Variants in TOX3 observed in about 807,000 individuals in gnomAD.
TOX3 encodes CAG trinucleotide repeat-containing gene F9 protein.
A neutral mutation model predicts 64.3 loss-of-function variants in TOX3; 22 were observed. The observed-to-expected ratio is 0.34, with a 90% CI of 0.24 to 0.49. TOX3 has a LOEUF of 0.49. Ranked by LOEUF, TOX3 falls within the 20% of genes least tolerant of loss-of-function variation. TOX3 has a pLI of 0.99. For synonymous variants in TOX3, 291 were observed against 273.6 expected (o/e 1.06, Z -0.63); for missense variants, 661 against 714.4 (o/e 0.93, Z 0.85).
At chr16:52,453,047 A>C (rs553492037) in intron 3 of TOX3, among the ~76,000 whole-genome samples, 1 of 152,190 alleles carries the variant, frequency 6.6e-6, no homozygotes, top group South Asian at 2.1e-4. Flanking sequence ...CTCCTAGAAA[A>C]TCTGAGCTAT....
In TOX3 at chr16:52,546,982, CGCGCGGGCCGGGCGCCGGGG is replaced by C. The variant is rs1427310109; in HGVS notation, c.-279_-260del. The C allele has an allele frequency of 2.0e-6, 2 of 975,760 alleles. No individual in the cohort carries two copies. Among genetic ancestry groups the C allele is most frequent in the Non-Finnish European group, 2.4e-6 (2 of 825,586 alleles). The allele number at this position is 975,760 out of a possible 1,614,324, so 60.4% of individuals were successfully genotyped here. On this transcript the variant is annotated 5_prime_UTR_variant, in exon 1 of 7. Transcript: ENST00000219746. ...CCGCCGGGGCACCGAGGCAGCGCTG[CGCGCGGGCCGGGCGCCGGGG>C]GCGCGGGGCGCGGCGCTGGGGCCCG...
upstream of TOX3, chr16:52,547,378 T>G (rs1393698659): frequency 4.5e-5 from 4 of 89,462 alleles, no homozygotes; most frequent in South Asian, 7.2e-4. Context: ...CTCGCCCCCC[T>G]TCCCGCTCCG....
At chr16:52,503,071 G>A (rs547102734) in intron 1 of TOX3, among the ~76,000 whole-genome samples, 8 of 152,104 alleles carry the variant, frequency 5.3e-5, no homozygotes, top group Non-Finnish European at 1.0e-4. Flanking sequence ...ACAGGCAACT[G>A]GCCCATGGGT....
At chr16:52,529,030 A>G (rs966529864) in intron 1 of TOX3, among the ~76,000 whole-genome samples, 5 of 152,220 alleles carry the variant, frequency 3.3e-5, no homozygotes, top group African/African-American at 9.6e-5. Flanking sequence ...CACCAGTCCA[A>G]TGGATCCCCA....
rs377611579 is a variant in TOX3 at position 52,546,648 on chromosome 16, C to G, written c.76G>C (p.Gly26Arg). 1.9e-6 allele frequency: 3 copies of G among 1,541,202 alleles called. No individual in the cohort carries two copies. Among genetic ancestry groups the G allele is most frequent in the South Asian group, 2.4e-5 (2 of 83,818 alleles). Residue 26 changes from glycine (G) to arginine (R), a missense_variant, in exon 1 of 7, where the codon GGC becomes CGC. Transcript: ENST00000219746. ...CCCAGCCCGGTCACCTTGCTGTAGC[C>G]GTAGTACCCCAGGCACTGCGCGAAG... is the stretch of plus-strand genomic sequence containing the variant. ...LDFAQCLGYYGYSKFGNNNNY... is the reference protein window; with the variant it reads ...LDFAQCLGYYRYSKFGNNNNY...
chr16:52,439,330 G>A lies in TOX3; in HGVS notation c.1626C>T (p.Ser542=). Reference sequence around the variant, plus strand: ...GGGGGCTCCCGATGGCAGGGATGGGGGATGTTATCTGAGAGGCGACAGGGG... The same window carrying A: ...GGGGGCTCCCGATGGCAGGGATGGGAGATGTTATCTGAGAGGCGACAGGGG... ...QHSPVASQIT[S]PIPAIGSPQP... Residue 542 remains serine (S), a synonymous_variant, in exon 7 of 7, where the codon TCC becomes TCT. Transcript: ENST00000219746. The A allele has an allele frequency of 6.2e-7, 1 of 1,613,474 alleles. No individual in the cohort carries two copies. Among genetic ancestry groups the A allele is most frequent in the African/African-American group, 1.3e-5 (1 of 75,030 alleles).
intron 1 of TOX3, among the ~76,000 whole-genome samples, chr16:52,532,271 C>T (rs1431045558): frequency 6.6e-6 from 1 of 152,196 alleles, no homozygotes; most frequent in African/African-American, 2.4e-5. Context: ...CGTCCTCTCC[C>T]CTAGAACCTG....
chr16:52,504,938 G>T (rs113550734), intron 1 of TOX3, among the ~76,000 whole-genome samples: 6,741 of 152,118 alleles, frequency 0.044, 353 homozygotes, highest in East Asian at 0.16. Context: ...GGGTTCAAGC[G>T]ATTCTCCTGC....
rs1432206504 is a variant in TOX3, at chr16:52,446,117, T to C, written c.783A>G (p.Ala261=). 4.3e-6 allele frequency: 7 copies of C among 1,614,030 alleles called. No homozygotes were observed. Among genetic ancestry groups the C allele is most frequent in the Non-Finnish European group, 5.9e-6 (7 of 1,179,862 alleles). Residue 261 remains alanine, a synonymous_variant, in exon 5 of 7, where the codon GCA becomes GCG. Transcript: ENST00000219746. Reference sequence around the variant, plus strand: ...GTGTGTCTCTGAAAAACAGGGCATATGCTGACACTGGCTTCTGTGGCTCAT... The same window carrying C: ...GTGTGTCTCTGAAAAACAGGGCATACGCTGACACTGGCTTCTGTGGCTCAT... ...DPNEPQKPVS[A]YALFFRDTQA...
At chr16:52,507,111 T>C (rs923644261) in intron 1 of TOX3, among the ~76,000 whole-genome samples, 1 of 152,132 alleles carries the variant, frequency 6.6e-6, no homozygotes, top group African/African-American at 2.4e-5. Flanking sequence ...AAGACCTACA[T>C]CTTAGAAGTT....
chr16:52,508,082 T>G (rs1360248529), intron 1 of TOX3, among the ~76,000 whole-genome samples: 1 of 152,222 alleles, frequency 6.6e-6, no homozygotes, highest in East Asian at 1.9e-4. Flanking sequence ...TACGCTATCA[T>G]AGCAGGACAC....
At chr16:52,474,904 C>G (rs1481895430) in intron 1 of TOX3, among the ~76,000 whole-genome samples, 1 of 152,290 alleles carries the variant, frequency 6.6e-6, no homozygotes, top group South Asian at 2.1e-4. Context: ...CCCTTTCTCA[C>G]ACTCCTCTAG....
chr16:52,475,381 G>A (rs975133669), intron 1 of TOX3: 16 of 152,266 alleles, frequency 1.1e-4, no homozygotes, highest in African/African-American at 3.9e-4. Flanking sequence ...AAAATAAGAT[G>A]TCCAGCAGCC....
chr16:52,502,919 G>A (rs1056904776), intron 1 of TOX3, among the ~76,000 whole-genome samples: 9 of 152,030 alleles, frequency 5.9e-5, no homozygotes, highest in Middle Eastern at 3.2e-3. Context: ...AGCTCTATGG[G>A]TCATCCACAG....
chr16:52,449,854 C>A (rs1485674239), intron 4 of TOX3, among the ~76,000 whole-genome samples: 1 of 152,250 alleles, frequency 6.6e-6, no homozygotes, highest in Non-Finnish European at 1.5e-5. Flanking sequence ...ATCACCGAAG[C>A]CGCAAGGCTG....
At chr16:52,458,509 T>C (rs554617947) in intron 3 of TOX3, among the ~76,000 whole-genome samples, 2 of 152,310 alleles carry the variant, frequency 1.3e-5, no homozygotes, top group East Asian at 3.9e-4. Context: ...CACTAAGTAC[T>C]ACAATACTTA....
chr16:52,448,190 A>G (rs1960221255), intron 4 of TOX3, among the ~76,000 whole-genome samples: 1 of 152,186 alleles, frequency 6.6e-6, no homozygotes, highest in African/African-American at 2.4e-5. Context: ...CTGGAGAAAA[A>G]GATTTACCCC....
chr16:52,467,345 C>T (rs1362559), intron 2 of TOX3, among the ~76,000 whole-genome samples: 7 of 152,112 alleles, frequency 4.6e-5, no homozygotes, highest in Admixed American at 6.5e-5. Flanking sequence ...GCAGCCAGTG[C>T]CAAACAATAT....
intron 1 of TOX3, among the ~76,000 whole-genome samples, chr16:52,500,018 A>G (rs1248478971): frequency 6.6e-6 from 1 of 152,170 alleles, no homozygotes; most frequent in Non-Finnish European, 1.5e-5. Flanking sequence ...GTAACAAGAG[A>G]TATGTTTATG....
Sources: gnomAD v4.1 joint callset for allele counts (sites outside exome capture counted in the v4.1 genomes callset) on GRCh38, gnomAD v4.1.1 for gene constraint, MANE v1.5 for transcripts, NCBI Gene and HGNC (gene_info 2026-07-23, HGNC 2026-07-21) for gene names.